Variants in MFHAS1 observed in about 807,000 individuals in gnomAD.
MFHAS1 encodes the protein malignant fibrous histiocytoma-amplified sequence 1.
In MFHAS1, 50 loss-of-function variants were observed where a neutral mutation model predicts 70.4. The ratio of observed to expected loss-of-function variants is 0.71; its 90% CI spans 0.57 to 0.90. The LOEUF is 0.90. MFHAS1 is among the 40% of genes least tolerant of loss of function. MFHAS1 has a pLI of 0.00. For missense variants in MFHAS1, 1,795 were observed against 1,347.6 expected (o/e 1.33, Z -5.20); for synonymous variants, 952 against 620.0 (o/e 1.54, Z -7.96).
At chr8:8,804,695 G>C (rs1365302714) in intron 1 of MFHAS1, among the ~76,000 whole-genome samples, 1 of 152,052 alleles carries the variant, frequency 6.6e-6, no homozygotes, top group African/African-American at 2.4e-5. Context: ...TAGGCAGAAG[G>C]AAGAAAAAAG....
At chr8:8,846,263 G>C (rs537598471) in intron 1 of MFHAS1, among the ~76,000 whole-genome samples, 2,590 of 41,026 alleles carry the variant, frequency 0.063, 55 homozygotes, top group Middle Eastern at 0.11. Context: ...CAAAAAAAAG[G>C]GGGGGGGGGA....
At position 8,862,622 on chromosome 8, in the gene MFHAS1, C is replaced by T. The variant is rs201308635; in HGVS notation, c.2998+27439G>A. Among the ~76,000 whole-genome samples the T allele has an allele frequency of 7.2e-5, 11 of 152,232 alleles. No individual in the cohort carries two copies. The East Asian group carries it at 2.1e-3, about 29-fold the overall frequency. ...TCAGAGGAATTTTAGGGCAGTAAAA[C>T]TCTTCCGTATGATACTATAACGGTG... is the stretch of plus-strand genomic sequence containing the variant. On this transcript the variant is annotated intron_variant, in intron 1 of 2. Coordinates refer to ENST00000276282, the MANE Select transcript of MFHAS1 (RefSeq NM_004225.3).
intron 1 of MFHAS1, among the ~76,000 whole-genome samples, chr8:8,875,235 G>T (rs1022832940): frequency 5.3e-5 from 8 of 152,036 alleles, no homozygotes; most frequent in African/African-American, 1.7e-4. Context: ...AAATAAAAAA[G>T]AGTTTTTATA....
chr8:8,841,457 G>C (rs1352371594), intron 1 of MFHAS1, among the ~76,000 whole-genome samples: 1 of 145,058 alleles, frequency 6.9e-6, no homozygotes, highest in African/African-American at 2.5e-5. Flanking sequence ...GACAGATCAA[G>C]ACTTCGTCTC....
chr8:8,828,049 A>T (rs985075611), intron 1 of MFHAS1, among the ~76,000 whole-genome samples: 2 of 152,136 alleles, frequency 1.3e-5, no homozygotes, highest in African/African-American at 4.8e-5. Flanking sequence ...CCCGGTGATT[A>T]GGAATGCCAC....
At chr8:8,820,455 G>A (rs922436632) in intron 1 of MFHAS1, among the ~76,000 whole-genome samples, 6 of 152,160 alleles carry the variant, frequency 3.9e-5, no homozygotes, top group African/African-American at 7.2e-5. Context: ...TCAGGTTAGC[G>A]TGAGAATGGT....
intron 1 of MFHAS1, among the ~76,000 whole-genome samples, chr8:8,828,928 C>T (rs75544818): frequency 1.5e-4 from 23 of 152,284 alleles, no homozygotes; most frequent in African/African-American, 5.3e-4. Context: ...AGATCAGGCT[C>T]TGTCAATCTG....
At position 8,784,425 on chromosome 8, in the gene MFHAS1, A is replaced by C. The variant is rs891988127; in HGVS notation, c.*1597T>G. ...CCTATTCAAGTATTAAAAAAATGCA[A>C]ACATCGTCTGATCCCATTCGATTTT... is the stretch of plus-strand genomic sequence containing the variant. On this transcript the variant is annotated 3_prime_UTR_variant, in exon 3 of 3. Transcript: ENST00000276282. 1.3e-5 allele frequency: 2 copies of C among 152,194 alleles called. No individual in the cohort carries two copies. Among genetic ancestry groups the C allele is most frequent in the African/African-American group, 4.8e-5 (2 of 41,442 alleles). The allele number at this position is 152,194 out of a possible 1,614,324, so 9.4% of individuals were successfully genotyped here.
chr8:8,862,979 G>A (rs562038718), intron 1 of MFHAS1, among the ~76,000 whole-genome samples: 120 of 152,276 alleles, frequency 7.9e-4, no homozygotes, highest in African/African-American at 2.7e-3. Context: ...TATATTTTTA[G>A]CACTTACATT....
chr8:8,827,043 T>G (rs1807190297), intron 1 of MFHAS1, among the ~76,000 whole-genome samples: 1 of 152,240 alleles, frequency 6.6e-6, no homozygotes, highest in South Asian at 2.1e-4. Context: ...TCTTCCTTAC[T>G]GATATCCCGT....
intron 1 of MFHAS1, among the ~76,000 whole-genome samples, chr8:8,863,926 G>A (rs78844507): frequency 6.6e-6 from 1 of 152,146 alleles, no homozygotes; most frequent in African/African-American, 2.4e-5. Context: ...CACTGCATTT[G>A]GACAAGGAGA....
Position 8,806,995 on chromosome 8 carries a change from G to C in MFHAS1, c.2999-9504C>G, listed in dbSNP as rs1385113479. On this transcript the variant is annotated intron_variant, in intron 1 of 2. Transcript: ENST00000276282. ...AAGAAAACACAGAAAGGAACCATGA[G>C]GCACCACTTGAAGCTTCAATGAGGT... is the stretch of plus-strand genomic sequence containing the variant. Among the ~76,000 whole-genome samples the C allele has an allele frequency of 5.9e-5, 9 of 152,002 alleles. No individual in the cohort carries two copies. In the East Asian group the frequency reaches 1.5e-3, roughly 26 times the overall value.
chr8:8,797,495 T>C lies in MFHAS1; in HGVS notation c.2999-4A>G, dbSNP rs376627002. 7 of 1,612,548 alleles carry C rather than the reference T, an allele frequency of 4.3e-6. No individual in the cohort carries two copies. The Middle Eastern group carries it at 6.6e-4, about 151-fold the overall frequency. ...CTGGGCTGACTCAGCAACTCCCCTG[T>C]AGGAGGAGAGAGAAAAACGTGTTAG... On this transcript the variant is annotated splice_polypyrimidine_tract_variant and splice_region_variant and intron_variant, in intron 1 of 2. Transcript: ENST00000276282.
chr8:8,831,068 T>C (rs146181415), intron 1 of MFHAS1, among the ~76,000 whole-genome samples: 23 of 152,058 alleles, frequency 1.5e-4, no homozygotes, highest in African/African-American at 5.5e-4. Flanking sequence ...ATGGTTGGTG[T>C]CTGGTGAGGG....
intron 1 of MFHAS1, among the ~76,000 whole-genome samples, chr8:8,842,241 G>A (rs911075792): frequency 1.2e-4 from 18 of 151,782 alleles, no homozygotes; most frequent in African/African-American, 4.1e-4. Flanking sequence ...GCTGGAGTGC[G>A]GTGGCTCAAC....
rs1449462951 is a variant in MFHAS1 at position 8,890,617 on chromosome 8, C to T, written c.2442G>A (p.Gln814=). ...GCTCCAGCAACAGCTGCAAGTCCTGCTGGGCCTGGACATGAGGCTTAAGCA... is the reference window on the plus strand; with the variant it reads ...GCTCCAGCAACAGCTGCAAGTCCTGTTGGGCCTGGACATGAGGCTTAAGCA... ...RLLLKPHVQA[Q]QDLQLLLELL... Residue 814 remains glutamine, a synonymous_variant, in exon 1 of 3, where the codon CAG becomes CAA. Coordinates refer to ENST00000276282, the MANE Select transcript of MFHAS1 (RefSeq NM_004225.3). 2 of 1,613,942 alleles carry T rather than the reference C, an allele frequency of 1.2e-6. No individual in the cohort carries two copies. Among genetic ancestry groups the T allele is most frequent in the Non-Finnish European group, 1.7e-6 (2 of 1,180,010 alleles).
chr8:8,836,110 G>A (rs1486666261), intron 1 of MFHAS1, among the ~76,000 whole-genome samples: 3 of 152,142 alleles, frequency 2.0e-5, no homozygotes, highest in Non-Finnish European at 4.4e-5. Flanking sequence ...AAGACAGAGA[G>A]GAAAGAAAAG....
intron 1 of MFHAS1, among the ~76,000 whole-genome samples, chr8:8,797,820 T>C (rs111893587): frequency 5.3e-4 from 80 of 152,284 alleles, no homozygotes; most frequent in African/African-American, 1.6e-3. Context: ...TATCAACGAC[T>C]GAGCCAGAGT....
chr8:8,787,664 G>A, intron 2 of MFHAS1, among the ~76,000 whole-genome samples: 1 of 152,176 alleles, frequency 6.6e-6, no homozygotes, highest in East Asian at 1.9e-4. Flanking sequence ...ACTGTAAGGA[G>A]GACGCCAGTG....
Sources: allele counts gnomAD v4.1 joint callset (sites outside exome capture counted in the v4.1 genomes callset), GRCh38; gene constraint gnomAD v4.1.1; transcripts MANE v1.5; gene names NCBI Gene and HGNC (gene_info 2026-07-23, HGNC 2026-07-21).